Variants in AMPH observed in about 807,000 individuals in gnomAD.
AMPH encodes amphiphysin, also known as amphiphysin (Stiff-Mann syndrome with breast cancer 128kD autoantigen).
A neutral mutation model predicts 99.1 loss-of-function variants in AMPH; 49 were observed. That is an observed-to-expected ratio of 0.49 (90% CI 0.39 to 0.63). AMPH has a LOEUF of 0.63. Ranked by LOEUF, AMPH falls within the 20% of genes least tolerant of loss-of-function variation. The probability of loss-of-function intolerance (pLI) is 0.00; values close to 1 mark genes in which losing one functional copy is unlikely to be tolerated. For synonymous variants in AMPH, 314 were observed against 317.3 expected, an observed-to-expected ratio of 0.99 and a Z score of 0.11; for missense variants, 759 against 863.4, an observed-to-expected ratio of 0.88 and a Z score of 1.52.
rs113366205 is a variant in AMPH at position 38,624,379 on chromosome 7, T to G, written c.69+6904A>C. On this transcript the variant is annotated intron_variant, in intron 1 of 20. Transcript: ENST00000356264. The stretch of plus-strand genomic sequence containing the variant: ...AAATAGTCTAACTCCCTTATTATTA[T>G]TATTAGTATTAGTATTAGTATTAGT... 4.9e-3 allele frequency among the ~76,000 whole-genome samples: 738 copies of G among 151,844 alleles called. 7 individuals carry two copies. The highest frequency in any genetic ancestry group is 0.017 in the African/African-American group (697 of 41,266).
chr7:38,400,867 T>C (rs1159045687), intron 17 of AMPH, among the ~76,000 whole-genome samples: 1 of 152,238 alleles, frequency 6.6e-6, no homozygotes, highest in Non-Finnish European at 1.5e-5. Context: ...TCCATACTTA[T>C]TTATAAAGTA....
At chr7:38,439,466 G>A (rs1786418964) in intron 11 of AMPH, among the ~76,000 whole-genome samples, 1 of 152,124 alleles carries the variant, frequency 6.6e-6, no homozygotes, top group African/African-American at 2.4e-5. Context: ...CATAGCAAAA[G>A]GATTTTGCCA....
At chr7:38,557,628 C>A (rs184538476) in intron 1 of AMPH, among the ~76,000 whole-genome samples, 1 of 152,134 alleles carries the variant, frequency 6.6e-6, no homozygotes, top group Non-Finnish European at 1.5e-5. Context: ...GTTTCCCAGT[C>A]TCTGGTATGT....
Position 38,560,814 on chromosome 7 carries a change from T to C in AMPH, c.70-25803A>G, listed in dbSNP as rs115562826. Among the ~76,000 whole-genome samples, 1,086 of 152,284 alleles carry C rather than the reference T, an allele frequency of 7.1e-3. 9 individuals are homozygous for C. Among genetic ancestry groups the C allele is most frequent in the African/African-American group, 0.024 (1,009 of 41,568 alleles). The stretch of plus-strand genomic sequence containing the variant: ...CTGGGTAGCTTCGAAAAAATACTGA[T>C]GCACTAGGCCCATCCTCAGGGATGC... On this transcript the variant is annotated intron_variant, in intron 1 of 20. Coordinates refer to ENST00000356264, the MANE Select transcript of AMPH (RefSeq NM_001635.4).
At chr7:38,535,751 C>T (rs1019092588) in intron 1 of AMPH, among the ~76,000 whole-genome samples, 24 of 152,250 alleles carry the variant, frequency 1.6e-4, no homozygotes, top group Non-Finnish European at 1.2e-4. Flanking sequence ...AGATCTCTCG[C>T]ATGTGCAGTT....
At chr7:38,453,158 C>T (rs967434719) in intron 11 of AMPH, among the ~76,000 whole-genome samples, 1 of 152,092 alleles carries the variant, frequency 6.6e-6, no homozygotes, top group Non-Finnish European at 1.5e-5. Context: ...CTGACTCCTC[C>T]CCAGATTAGA....
chr7:38,398,167 T>C (rs1784729518), intron 17 of AMPH, among the ~76,000 whole-genome samples: 1 of 129,544 alleles, frequency 7.7e-6, no homozygotes, highest in South Asian at 2.4e-4. Flanking sequence ...GCAATCCCAC[T>C]GCTAGGTATA....
intron 11 of AMPH, among the ~76,000 whole-genome samples, chr7:38,437,961 T>C (rs971823967): frequency 6.6e-6 from 1 of 152,238 alleles, no homozygotes; most frequent in Non-Finnish European, 1.5e-5. Context: ...TCCCCATATA[T>C]ACTTTTTAAA....
chr7:38,548,495 T>C (rs1388432710), intron 1 of AMPH, among the ~76,000 whole-genome samples: 1 of 152,170 alleles, frequency 6.6e-6, no homozygotes, highest in Non-Finnish European at 1.5e-5. Flanking sequence ...TCCTTTTATA[T>C]GTCCTTTGAC....
At chr7:38,465,061 A>G (rs1787598125) in intron 9 of AMPH, among the ~76,000 whole-genome samples, 1 of 152,242 alleles carries the variant, frequency 6.6e-6, no homozygotes, top group Admixed American at 6.5e-5. Flanking sequence ...TGGATTCATG[A>G]AAGACGTCAG....
chr7:38,477,597 C>T (rs1239345588), intron 5 of AMPH, among the ~76,000 whole-genome samples: 1 of 152,188 alleles, frequency 6.6e-6, no homozygotes, highest in Non-Finnish European at 1.5e-5. Flanking sequence ...GAGAACAAGA[C>T]ATTCCCTTGC....
intron 2 of AMPH, among the ~76,000 whole-genome samples, chr7:38,518,308 C>A (rs1045489030): frequency 1.3e-5 from 2 of 152,162 alleles, no homozygotes; most frequent in African/African-American, 4.8e-5. Flanking sequence ...TCTACTAGGG[C>A]AATGTATAGT....
At chr7:38,469,015 G>T (rs1410237172) in intron 7 of AMPH, among the ~76,000 whole-genome samples, 3 of 116,954 alleles carry the variant, frequency 2.6e-5, no homozygotes, top group Admixed American at 9.7e-5. Flanking sequence ...TTAGCCGGGC[G>T]TAGTGGCGGG....
At chr7:38,479,117 A>C (rs1000021710) in intron 5 of AMPH, among the ~76,000 whole-genome samples, 2 of 152,100 alleles carry the variant, frequency 1.3e-5, no homozygotes, top group Non-Finnish European at 2.9e-5. Context: ...CAAGAAACTC[A>C]GAGAATACCA....
intron 20 of AMPH, among the ~76,000 whole-genome samples, chr7:38,385,669 C>T (rs1784331654): frequency 6.6e-6 from 1 of 152,034 alleles, no homozygotes; most frequent in African/African-American, 2.4e-5. Context: ...ATTTGTCTGT[C>T]ATATAGAAGT....
intron 1 of AMPH, among the ~76,000 whole-genome samples, chr7:38,617,859 C>T (rs570191003): frequency 1.4e-5 from 2 of 144,588 alleles, no homozygotes; most frequent in South Asian, 4.4e-4. Context: ...GAAAAAAAAA[C>T]TGGAATTGTA....
At position 38,567,499 on chromosome 7, in the gene AMPH, C is replaced by T. The variant is rs568746641; in HGVS notation, c.70-32488G>A. ...CATATATACCTATGTAACAAACCTA[C>T]ACATTGTGCACATGTACCCTAGAAC... On this transcript the variant is annotated intron_variant, in intron 1 of 20. Coordinates refer to ENST00000356264, the MANE Select transcript of AMPH (RefSeq NM_001635.4). Among the ~76,000 whole-genome samples, 8 of 152,194 alleles carry T rather than the reference C, an allele frequency of 5.3e-5. No individual in the cohort carries two copies. The South Asian group carries it at 1.7e-3, about 32-fold the overall frequency.
At chr7:38,459,134 A>G (rs763936688) in intron 11 of AMPH, among the ~76,000 whole-genome samples, 8 of 152,140 alleles carry the variant, frequency 5.3e-5, no homozygotes, top group Non-Finnish European at 8.8e-5. Context: ...TACAACAGCT[A>G]CAACAAAATA....
intron 1 of AMPH, among the ~76,000 whole-genome samples, chr7:38,617,474 G>A (rs1015405030): frequency 6.6e-6 from 1 of 152,252 alleles, no homozygotes; most frequent in African/African-American, 2.4e-5. Flanking sequence ...TGGAGTGGCA[G>A]AAGGCGTGCA....
Sources: gnomAD v4.1 joint callset for allele counts (sites outside exome capture counted in the v4.1 genomes callset) on GRCh38, gnomAD v4.1.1 for gene constraint, MANE v1.5 for transcripts, NCBI Gene and HGNC (gene_info 2026-07-23, HGNC 2026-07-21) for gene names.